ETFDH: variants seen among roughly 807,000 people sequenced by gnomAD.
ETFDH encodes electron transfer flavoprotein-ubiquinone oxidoreductase, mitochondrial.
In ETFDH, 61 loss-of-function variants were observed where a neutral mutation model predicts 73.2. The ratio of observed to expected loss-of-function variants is 0.83; its 90% CI spans 0.68 to 1.03. ETFDH has a LOEUF of 1.03. Ranked by LOEUF, ETFDH falls within the 50% of genes least tolerant of loss-of-function variation. The probability of loss-of-function intolerance (pLI) is 0.00; values close to 1 mark genes in which losing one functional copy is unlikely to be tolerated. For synonymous variants in ETFDH, 243 were observed against 253.3 expected, an observed-to-expected ratio of 0.96 and a Z score of 0.39; for missense variants, 685 against 745.0, an observed-to-expected ratio of 0.92 and a Z score of 0.94.
At chr4:158,673,926 G>T (rs1289631326) in intron 1 of ETFDH, among the ~76,000 whole-genome samples, 1 of 152,184 alleles carries the variant, frequency 6.6e-6, no homozygotes, top group African/African-American at 2.4e-5. Flanking sequence ...CTCAACCACG[G>T]AGACTGAATA....
chr4:158,680,964 C>T (rs1455616430), intron 2 of ETFDH, among the ~76,000 whole-genome samples: 1 of 152,176 alleles, frequency 6.6e-6, no homozygotes, highest in East Asian at 1.9e-4. Flanking sequence ...ATGTACAGTA[C>T]ATGATACTTG....
chr4:158,680,099 A>AAAAAAG (rs1232971602), intron 1 of ETFDH: 1 of 152,770 alleles, frequency 6.5e-6, no homozygotes, highest in African/African-American at 2.4e-5. Context: ...AAAAAAAAAA[A>AAAAAAG]AAGAAGAAGA....
chr4:158,708,589 C>A lies in ETFDH; in HGVS notation c.*62C>A. 1 of 1,345,930 alleles carries A rather than the reference C, an allele frequency of 7.4e-7. No homozygotes were observed. 83.4% of individuals were successfully genotyped at this position (1,345,930 alleles called of 1,614,324 possible). A position where few individuals can be genotyped will look rare whatever the true frequency, so the allele number is the denominator to read the frequency against. On this transcript the variant is annotated 3_prime_UTR_variant, in exon 13 of 13. Coordinates refer to ENST00000511912, the MANE Select transcript of ETFDH (RefSeq NM_004453.4). Reference sequence around the variant, plus strand: ...TAACGTTAAAATGTTTAGAGATTAACAGATTTCAGAATGTCTTTCTGCATA... The same window carrying A: ...TAACGTTAAAATGTTTAGAGATTAAAAGATTTCAGAATGTCTTTCTGCATA...
At chr4:158,698,365 C>T (rs145913683) in intron 8 of ETFDH, among the ~76,000 whole-genome samples, 1 of 152,162 alleles carries the variant, frequency 6.6e-6, no homozygotes, top group Non-Finnish European at 1.5e-5. Context: ...CATCCCATCA[C>T]CTTTGGATAT....
At chr4:158,697,517 A>G in intron 7 of ETFDH, 42 bp from the exon 8 acceptor site, 6 of 1,572,920 alleles carry the variant, frequency 3.8e-6, no homozygotes, top group Non-Finnish European at 5.2e-6. Context: ...AAACATTTTT[A>G]AAATACTGCA....
chr4:158,676,699 A>T (rs1385655685), intron 1 of ETFDH, among the ~76,000 whole-genome samples: 1 of 152,222 alleles, frequency 6.6e-6, no homozygotes, highest in African/African-American at 2.4e-5. Flanking sequence ...TCTCAGTTAT[A>T]ATTTTTGCAA....
chr4:158,709,565 T>C lies in ETFDH; in HGVS notation c.*1038T>C, dbSNP rs955364069. 1.2e-5 allele frequency: 6 copies of C among 515,270 alleles called. No homozygotes were observed. Among genetic ancestry groups the C allele is most frequent in the Non-Finnish European group, 2.0e-5 (6 of 295,352 alleles). 31.9% of individuals were successfully genotyped at this position (515,270 alleles called of 1,614,324 possible). ...AAACAAAACCACTTTACTTACTGTA[T>C]TGTGACATGTTTATTAAGCATGAAC... is the stretch of plus-strand genomic sequence containing the variant. On this transcript the variant is annotated 3_prime_UTR_variant, in exon 13 of 13. Transcript: ENST00000511912.
At chr4:158,692,544 C>G (rs1308770209) in intron 6 of ETFDH, among the ~76,000 whole-genome samples, 1 of 152,002 alleles carries the variant, frequency 6.6e-6, no homozygotes, top group Non-Finnish European at 1.5e-5. Context: ...TTTAACAAGC[C>G]TCCAGGGATT....
At chr4:158,703,330 C>A (rs1046544175) in intron 9 of ETFDH, 93 bp from the exon 10 acceptor site, 3 of 893,212 alleles carry the variant, frequency 3.4e-6, no homozygotes, top group African/African-American at 1.6e-5. Context: ...CCTTTCCCTA[C>A]AGCTCTAGAA....
At chr4:158,689,210 G>A (rs1419788363) in intron 5 of ETFDH, among the ~76,000 whole-genome samples, 1 of 152,106 alleles carries the variant, frequency 6.6e-6, no homozygotes, top group East Asian at 1.9e-4. Flanking sequence ...CAGTTTGTAA[G>A]TCAAATAAAA....
chr4:158,677,448 C>G (rs954471857), intron 1 of ETFDH, among the ~76,000 whole-genome samples: 3 of 152,188 alleles, frequency 2.0e-5, no homozygotes, highest in African/African-American at 7.2e-5. Flanking sequence ...GTTGGACAAG[C>G]TTGCCTTAAA....
At chr4:158,689,712 C>G (rs1411295262) in intron 5 of ETFDH, among the ~76,000 whole-genome samples, 2 of 148,038 alleles carry the variant, frequency 1.4e-5, no homozygotes, top group Middle Eastern at 3.5e-3. Context: ...TTCTTACAAT[C>G]TGCTGTGTAA....
intron 8 of ETFDH, among the ~76,000 whole-genome samples, chr4:158,698,350 A>C (rs929488593): frequency 6.6e-6 from 1 of 152,194 alleles, no homozygotes; most frequent in Non-Finnish European, 1.5e-5. Flanking sequence ...CCCCAGTCCA[A>C]TGTTCATCCC....
intron 2 of ETFDH, among the ~76,000 whole-genome samples, chr4:158,681,177 G>A (rs77510741): frequency 0.014 from 2,206 of 152,292 alleles, 52 homozygotes; most frequent in African/African-American, 0.049. Context: ...TGACCTTCCA[G>A]TGGGAGAAAA....
chr4:158,692,117 G>A (rs1487704400), intron 6 of ETFDH, among the ~76,000 whole-genome samples: 2 of 152,150 alleles, frequency 1.3e-5, no homozygotes, highest in African/African-American at 2.4e-5. Context: ...ATAGCGGCCC[G>A]TCGCAGTGGC....
intron 9 of ETFDH, among the ~76,000 whole-genome samples, chr4:158,702,546 C>A (rs911264460): frequency 1.3e-5 from 2 of 151,760 alleles, no homozygotes; most frequent in African/African-American, 4.8e-5. Flanking sequence ...TTTTAAGTTT[C>A]CATATATGAG....
At chr4:158,690,943 A>AC (rs1774149488) in intron 6 of ETFDH, among the ~76,000 whole-genome samples, 2 of 152,178 alleles carry the variant, frequency 1.3e-5, no homozygotes, top group Admixed American at 1.3e-4. Context: ...GTGTTAGAAT[A>AC]CAGTAATTAA....
Position 158,703,566 on chromosome 4 carries a change from T to C in ETFDH, c.1260T>C (p.Ser420=), listed in dbSNP as rs1463509881. 1 of 1,607,404 alleles carries C rather than the reference T, an allele frequency of 6.2e-7. No individual in the cohort carries two copies. Among genetic ancestry groups the C allele is most frequent in the South Asian group, 1.1e-5 (1 of 90,934 alleles). ...AAESIFNQLT[S]ENLQSKTIGL... ...AATCTATTTTTAATCAACTAACTAGTGAAAATCTCCAATCAAAGACAATAG... is the reference window on the plus strand; with the variant it reads ...AATCTATTTTTAATCAACTAACTAGCGAAAATCTCCAATCAAAGACAATAG... The change falls in exon 10 of 13, where the codon AGT becomes AGC. Residue 420 remains serine, a synonymous_variant. Coordinates refer to ENST00000511912, the MANE Select transcript of ETFDH (RefSeq NM_004453.4).
At chr4:158,684,389 C>CAAAAAA (rs35572796) in intron 3 of ETFDH, among the ~76,000 whole-genome samples, 4 of 105,504 alleles carry the variant, frequency 3.8e-5, no homozygotes, top group Non-Finnish European at 8.4e-5. Context: ...GACACTGTCT[C>CAAAAAA]AAAAAAAAAA....
Sources: allele counts gnomAD v4.1 joint callset (sites outside exome capture counted in the v4.1 genomes callset), GRCh38; gene constraint gnomAD v4.1.1; transcripts MANE v1.5; gene names NCBI Gene and HGNC (gene_info 2026-07-23, HGNC 2026-07-21).